The following RMND1 variants were observed in gnomAD, a reference collection of about 807,000 sequenced individuals.
The protein encoded by RMND1 is required for meiotic nuclear division 1 homolog.
In RMND1, 41 loss-of-function variants were observed where a neutral mutation model predicts 54.0. That is an observed-to-expected ratio of 0.76 (90% CI 0.59 to 0.98). The LOEUF (loss-of-function observed/expected upper bound fraction) is 0.98. RMND1 is among the 50% of genes least tolerant of loss of function. The probability of loss-of-function intolerance (pLI) is 0.00; values close to 1 mark genes in which losing one functional copy is unlikely to be tolerated. For synonymous variants in RMND1, 183 were observed against 181.7 expected, an observed-to-expected ratio of 1.01 and a Z score of -0.06; for missense variants, 457 against 532.0, an observed-to-expected ratio of 0.86 and a Z score of 1.39.
chr6:151,445,281 C>A, intron 2 of RMND1, 27 bp downstream of exon 2: 1 of 1,579,428 alleles, frequency 6.3e-7, no homozygotes, highest in South Asian at 1.2e-5. Context: ...TCACTAAGCA[C>A]GAGAGCCACG....
chr6:151,442,224 T>C (rs952581699), intron 2 of RMND1, among the ~76,000 whole-genome samples: 3 of 152,236 alleles, frequency 2.0e-5, no homozygotes, highest in Non-Finnish European at 4.4e-5. Context: ...CCTGTAAGTT[T>C]TTCTGACTAC....
At chr6:151,449,944 C>T (rs978062867) in intron 1 of RMND1, among the ~76,000 whole-genome samples, 2 of 152,246 alleles carry the variant, frequency 1.3e-5, no homozygotes, top group Non-Finnish European at 2.9e-5. Flanking sequence ...GTCTGGTTCA[C>T]TCAGTGCTCA....
At chr6:151,423,390 TGGAG>T in intron 7 of RMND1, 131 bp downstream of exon 7, 2 of 605,572 alleles carry the variant, frequency 3.3e-6, no homozygotes, top group East Asian at 2.7e-5. Flanking sequence ...TTTTTTCTGA[TGGAG>T]GGAAAAAAAG....
At chr6:151,451,575 T>A (rs1030723659) in intron 1 of RMND1, among the ~76,000 whole-genome samples, 1 of 152,198 alleles carries the variant, frequency 6.6e-6, no homozygotes. Flanking sequence ...TTTTTCCTAT[T>A]ATATCTCCTG....
At position 151,445,294 on chromosome 6, in the gene RMND1, C is replaced by A. The variant is rs758744811; in HGVS notation, c.504+14G>T. ...GATCACTAAGCACGAGAGCCACGGCCACCCCTACTTTACCTCGTTCACAGA... is the reference window on the plus strand; with the variant it reads ...GATCACTAAGCACGAGAGCCACGGCAACCCCTACTTTACCTCGTTCACAGA... On this transcript the variant is annotated intron_variant, in intron 2 of 11. Transcript: ENST00000444024. 6.3e-7 allele frequency: 1 copy of A among 1,593,306 alleles called. No individual in the cohort carries two copies. The highest frequency in any genetic ancestry group is 8.5e-7 in the Non-Finnish European group (1 of 1,170,758).
At chr6:151,406,887 C>T (rs181206945) in intron 10 of RMND1, among the ~76,000 whole-genome samples, 11 of 152,092 alleles carry the variant, frequency 7.2e-5, no homozygotes, top group Non-Finnish European at 1.5e-4. Flanking sequence ...AGGCTGGGCT[C>T]GGTGGCTTAT....
At chr6:151,437,660 C>T (rs117336149) in intron 2 of RMND1, among the ~76,000 whole-genome samples, 22 of 152,312 alleles carry the variant, frequency 1.4e-4, no homozygotes, top group Non-Finnish European at 1.9e-4. Context: ...ATTTACTCCT[C>T]TCAGCTCCCC....
chr6:151,430,301 T>C, intron 4 of RMND1, 124 bp from the exon 5 acceptor site: 1 of 634,588 alleles, frequency 1.6e-6, no homozygotes, highest in African/African-American at 1.8e-5. Flanking sequence ...ATGATGGTAC[T>C]TACTAATTTG....
intron 4 of RMND1, among the ~76,000 whole-genome samples, chr6:151,432,775 A>C (rs1003295200): frequency 6.6e-6 from 1 of 152,072 alleles, no homozygotes; most frequent in African/African-American, 2.4e-5. Flanking sequence ...GGAGAAAAAA[A>C]AGAAAATGGC....
chr6:151,417,212 G>C, intron 10 of RMND1, 67 bp downstream of exon 10: 1 of 1,503,892 alleles, frequency 6.6e-7, no homozygotes, highest in South Asian at 1.2e-5. Flanking sequence ...TCTGCAAGCA[G>C]TTAAACATAT....
At chr6:151,410,522 C>T (rs1284054920) in intron 10 of RMND1, among the ~76,000 whole-genome samples, 4 of 152,140 alleles carry the variant, frequency 2.6e-5, no homozygotes, top group African/African-American at 7.2e-5. Flanking sequence ...TCTGAACTGC[C>T]TTCGGGATGC....
rs535511303 is a variant in RMND1 at position 151,427,041 on chromosome 6, G to A, written c.830+441C>T. 1.1e-3 allele frequency among the ~76,000 whole-genome samples: 173 copies of A among 151,790 alleles called. 1 individual carries two copies. Among genetic ancestry groups the A allele is most frequent in the African/African-American group, 4.1e-3 (169 of 41,458 alleles). On this transcript the variant is annotated intron_variant, in intron 6 of 11. Coordinates refer to ENST00000444024, the MANE Select transcript of RMND1 (RefSeq NM_017909.4). ...CTGCCTCAGCCTCCCAAAGTGCTGGGATTACAGGTGTGAGCTACCACGCCT... is the reference window on the plus strand; with the variant it reads ...CTGCCTCAGCCTCCCAAAGTGCTGGAATTACAGGTGTGAGCTACCACGCCT...
intron 10 of RMND1, among the ~76,000 whole-genome samples, chr6:151,414,439 G>A (rs1779941682): frequency 6.6e-6 from 1 of 151,994 alleles, no homozygotes; most frequent in African/African-American, 2.4e-5. Context: ...TTAGTTGGAG[G>A]GAATCAGAAA....
intron 10 of RMND1, among the ~76,000 whole-genome samples, chr6:151,407,418 C>G (rs182080939): frequency 5.3e-5 from 8 of 152,268 alleles, no homozygotes; most frequent in Admixed American, 1.3e-4. Flanking sequence ...ACTGATTCAG[C>G]CTCTTGCATT....
rs755741104 is a variant in RMND1 at position 151,430,120 on chromosome 6, A to T, written c.729+18T>A. The T allele has an allele frequency of 1.3e-6, 2 of 1,546,048 alleles. No individual in the cohort carries two copies. Among genetic ancestry groups the T allele is most frequent in the Admixed American group, 1.7e-5 (1 of 57,348 alleles). ...CAAAACTAAATTTTTATATTTTCAC[A>T]TTTTTATTTACACTTACAGTTTTGT... On this transcript the variant is annotated intron_variant, in intron 5 of 11. Coordinates refer to ENST00000444024, the MANE Select transcript of RMND1 (RefSeq NM_017909.4).
chr6:151,412,537 T>C (rs1250279876), intron 10 of RMND1, among the ~76,000 whole-genome samples: 1 of 152,202 alleles, frequency 6.6e-6, no homozygotes, highest in Non-Finnish European at 1.5e-5. Context: ...TCTGTTTTAC[T>C]AGCATTCTCT....
At chr6:151,448,383 C>T (rs1421156569) in intron 1 of RMND1, among the ~76,000 whole-genome samples, 1 of 132,788 alleles carries the variant, frequency 7.5e-6, no homozygotes, top group Non-Finnish European at 1.5e-5. Context: ...GACTTCACTT[C>T]CTCCATATCC....
chr6:151,425,706 ACAGT>A (rs537743563), intron 6 of RMND1, among the ~76,000 whole-genome samples: 48 of 152,254 alleles, frequency 3.2e-4, no homozygotes, highest in Admixed American at 1.7e-3. Flanking sequence ...AGGCTGACTC[ACAGT>A]CAGGTGCCCT....
At chr6:151,418,989 T>G (rs1780080668) in intron 9 of RMND1, among the ~76,000 whole-genome samples, 1 of 152,104 alleles carries the variant, frequency 6.6e-6, no homozygotes, top group Non-Finnish European at 1.5e-5. Flanking sequence ...AGGCTGGTCT[T>G]GAACTCCTGA....
Sources: gnomAD v4.1 joint callset for allele counts (sites outside exome capture counted in the v4.1 genomes callset) on GRCh38, gnomAD v4.1.1 for gene constraint, MANE v1.5 for transcripts, NCBI Gene and HGNC (gene_info 2026-07-23, HGNC 2026-07-21) for gene names.